OASL: variants seen among roughly 807,000 people sequenced by gnomAD.
OASL encodes the protein 2'-5'-oligoadenylate synthase-like protein.
Under a neutral mutation model 35.3 loss-of-function variants are expected in OASL, and 28 were observed. The ratio of observed to expected loss-of-function variants is 0.79; its 90% CI spans 0.59 to 1.09. OASL has a LOEUF of 1.09. Among genes scored for constraint, OASL ranks in the 50% least tolerant of loss-of-function variants. OASL has a pLI of 0.00. For missense variants in OASL, 620 were observed against 635.2 expected, an observed-to-expected ratio of 0.98 and a Z score of 0.26; for synonymous variants, 252 against 254.6, an observed-to-expected ratio of 0.99 and a Z score of 0.10.
At chr12:121,022,458 G>C (rs1019401507) in intron 5 of OASL, among the ~76,000 whole-genome samples, 1 of 152,164 alleles carries the variant, frequency 6.6e-6, no homozygotes, top group East Asian at 1.9e-4. Context: ...GGGCTCAAGG[G>C]ATCCACCCGC....
At chr12:121,025,953 C>A (rs1399432401) in intron 4 of OASL, among the ~76,000 whole-genome samples, 1 of 152,104 alleles carries the variant, frequency 6.6e-6, no homozygotes, top group Non-Finnish European at 1.5e-5. Flanking sequence ...CTGAAAGTGC[C>A]AGGCTGTCCT....
exon 6 of OASL, chr12:121,020,580 G>C (rs765153059): frequency 1.2e-6 from 2 of 1,605,318 alleles, no homozygotes; most frequent in South Asian, 1.1e-5. Context: ...TGGAAACAGA[G>C]CCTCTCCTTT....
chr12:121,020,930 C>T (rs1869207318), exon 6 of OASL: 1 of 1,614,232 alleles, frequency 6.2e-7, no homozygotes, highest in Non-Finnish European at 8.5e-7. Flanking sequence ...ACAGACGCTG[C>T]AGGCCAGAGT....
exon 6 of OASL, chr12:121,019,268 G>A (rs1018208898): frequency 6.6e-6 from 1 of 152,200 alleles, no homozygotes; most frequent in Non-Finnish European, 1.5e-5. Flanking sequence ...AAGGCAAACA[G>A]AGGTGGGAGA....
chr12:121,018,444 T>C (rs896896691), downstream of OASL, among the ~76,000 whole-genome samples: 7 of 152,036 alleles, frequency 4.6e-5, no homozygotes, highest in African/African-American at 1.7e-4. Flanking sequence ...GCCTTGCGCC[T>C]TGGGACCGGG....
exon 6 of OASL, chr12:121,021,052 G>C (rs377516123): frequency 6.3e-7 from 1 of 1,578,214 alleles, no homozygotes; most frequent in South Asian, 1.2e-5. Context: ...TGGATGTCTC[G>C]TGCCCTCTGG....
At chr12:121,024,534 C>G (rs1869400772) in intron 4 of OASL, among the ~76,000 whole-genome samples, 1 of 152,048 alleles carries the variant, frequency 6.6e-6, no homozygotes, top group African/African-American at 2.4e-5. Flanking sequence ...AGGAGCATTG[C>G]TTGAACCCAG....
chr12:121,027,345 A>T (rs1051813966), intron 4 of OASL, among the ~76,000 whole-genome samples: 1 of 152,216 alleles, frequency 6.6e-6, no homozygotes, highest in South Asian at 2.1e-4. Flanking sequence ...GCTAAGGTGG[A>T]GGGTGGCTTA....
rs188209203 is a variant in OASL, at chr12:121,022,408, C to A, written c.1048-1350G>T. Among the ~76,000 whole-genome samples the A allele has an allele frequency of 1.5e-3, 229 of 152,140 alleles. 4 individuals carry two copies. In the Middle Eastern group the frequency reaches 0.017, roughly 11 times the overall value. On this transcript the variant is annotated intron_variant, in intron 5 of 5. Coordinates refer to ENST00000257570, the Ensembl canonical transcript of OASL. ...CCAAGTTTTGTATTTTTAGTAGAGA[C>A]GGGGTTTCACCATGTTGCCTAGGCT... is the stretch of plus-strand genomic sequence containing the variant.
At chr12:121,020,841 G>T in exon 6 of OASL, 1 of 1,614,222 alleles carries the variant, frequency 6.2e-7, no homozygotes, top group Non-Finnish European at 8.5e-7. Flanking sequence ...ATAGATGTGA[G>T]TGTGGGAGAA....
chr12:121,031,588 G>T (rs372469551), exon 3 of OASL: 43 of 1,613,684 alleles, frequency 2.7e-5, no homozygotes, highest in South Asian at 1.4e-4. Context: ...TAGACCTCAG[G>T]GGGTGGCTGG....
chr12:121,029,450 AG>A, intron 3 of OASL, among the ~76,000 whole-genome samples: 2 of 152,326 alleles, frequency 1.3e-5, no homozygotes, highest in South Asian at 4.1e-4. Context: ...GCACTTTGGG[AG>A]GCCAAGGCAG....
chr12:121,023,941 C>T lies in OASL; in HGVS notation c.1047+49G>A, dbSNP rs1223574692. The T allele has an allele frequency of 5.0e-6, 8 of 1,605,852 alleles. No individual in the cohort carries two copies. The African/African-American group carries it at 1.1e-4, about 21-fold the overall frequency. On this transcript the variant is annotated intron_variant, in intron 5 of 5. Transcript: ENST00000257570. Reference sequence around the variant, plus strand: ...AATGAGTAAATACTGAGTAGTTTATCTGTCGTTCTGACCTTCAAGCCCTTG... The same window carrying T: ...AATGAGTAAATACTGAGTAGTTTATTTGTCGTTCTGACCTTCAAGCCCTTG...
chr12:121,027,332 C>G (rs996092678), intron 4 of OASL, among the ~76,000 whole-genome samples: 2 of 152,142 alleles, frequency 1.3e-5, no homozygotes, highest in Non-Finnish European at 2.9e-5. Flanking sequence ...GCAAGAAGGC[C>G]AAGCTAAGGT....
chr12:121,033,861 G>A, intron 1 of OASL, 118 bp from the exon 2 acceptor site: 1 of 1,066,596 alleles, frequency 9.4e-7, no homozygotes, highest in Non-Finnish European at 1.4e-6. Flanking sequence ...GATGGGTTGT[G>A]GGTAGTACTA....
chr12:121,022,421 T>C (rs1028896395), intron 5 of OASL, among the ~76,000 whole-genome samples: 2 of 152,182 alleles, frequency 1.3e-5, no homozygotes, highest in Non-Finnish European at 2.9e-5. Context: ...GGTTTCACCA[T>C]GTTGCCTAGG....
chr12:121,032,050 G>T (rs1308942562), intron 2 of OASL, among the ~76,000 whole-genome samples: 1 of 152,092 alleles, frequency 6.6e-6, no homozygotes, highest in African/African-American at 2.4e-5. Flanking sequence ...AATTAGCCAG[G>T]CATGGCATGG....
intron 4 of OASL, among the ~76,000 whole-genome samples, chr12:121,025,769 A>C (rs1200219255): frequency 6.6e-6 from 1 of 151,138 alleles, no homozygotes; most frequent in Non-Finnish European, 1.5e-5. Flanking sequence ...TAAAAAAAAA[A>C]AAACAAAACC....
intron 4 of OASL, among the ~76,000 whole-genome samples, chr12:121,024,601 G>A (rs969876740): frequency 1.3e-5 from 2 of 151,818 alleles, no homozygotes. Flanking sequence ...CTGGGTGACC[G>A]AGTGAGACTG....
Sources: gnomAD v4.1 joint callset for allele counts (sites outside exome capture counted in the v4.1 genomes callset) on GRCh38, gnomAD v4.1.1 for gene constraint, MANE v1.5 for transcripts, NCBI Gene and HGNC (gene_info 2026-07-23, HGNC 2026-07-21) for gene names.